The following ZNF701 variants were observed in gnomAD, a reference collection of about 807,000 sequenced individuals.
The protein encoded by ZNF701 is zinc finger protein 701.
Under a neutral mutation model 7.1 loss-of-function variants are expected in ZNF701, and 6 were observed. That is an observed-to-expected ratio of 0.84 (90% confidence interval 0.46 to 1.66). ZNF701 has a LOEUF of 1.66. ZNF701 is among the 40% of genes most tolerant of loss of function. The probability of loss-of-function intolerance (pLI) is 0.01; values close to 1 mark genes in which losing one functional copy is unlikely to be tolerated. For missense variants in ZNF701, 541 were observed against 559.2 expected (o/e 0.97, Z 0.33); for synonymous variants, 166 against 188.2 (o/e 0.88, Z 0.97).
At chr19:52,578,865 C>T (rs2059955784) in intron 3 of ZNF701, among the ~76,000 whole-genome samples, 1 of 152,056 alleles carries the variant, frequency 6.6e-6, no homozygotes, top group Admixed American at 6.6e-5. Context: ...TCACGCCATT[C>T]TCCTGCCTCA....
downstream of ZNF701, among the ~76,000 whole-genome samples, chr19:52,587,602 G>A (rs1230142892): frequency 6.6e-6 from 1 of 152,174 alleles, no homozygotes; most frequent in Admixed American, 6.5e-5. Context: ...CATGTTGCCT[G>A]TTCTGTGTGA....
Position 52,574,095 on chromosome 19 carries a change from T to G in ZNF701, c.-53T>G. On this transcript the variant is annotated 5_prime_UTR_variant, in exon 2 of 4. Coordinates refer to ENST00000391785, the MANE Select transcript of ZNF701 (RefSeq NM_018260.3). ...CATTCAGGATTGACTTCTAAAGACTTGGTACGTGAGGAAAAAACACGGAAG... is the reference window on the plus strand; with the variant it reads ...CATTCAGGATTGACTTCTAAAGACTGGGTACGTGAGGAAAAAACACGGAAG... The G allele has an allele frequency of 6.2e-7, 1 of 1,612,142 alleles. No homozygotes were observed. The highest frequency in any genetic ancestry group is 8.5e-7 in the Non-Finnish European group (1 of 1,179,334).
chr19:52,577,414 G>C (rs908480036), intron 3 of ZNF701, among the ~76,000 whole-genome samples: 1 of 152,134 alleles, frequency 6.6e-6, no homozygotes, highest in Non-Finnish European at 1.5e-5. Flanking sequence ...AAGGCACAAA[G>C]TGTTTCAGTA....
chr19:52,582,178 C>T, intron 3 of ZNF701, 24 bp from the exon 4 acceptor site: 3 of 1,533,128 alleles, frequency 2.0e-6, no homozygotes, highest in Non-Finnish European at 2.6e-6. Context: ...TAATTTGAAA[C>T]CTATTTGTGT....
intron 1 of ZNF701, among the ~76,000 whole-genome samples, chr19:52,571,235 A>AGG (rs763590832): frequency 1.7e-3 from 244 of 145,314 alleles, no homozygotes; most frequent in Middle Eastern, 3.5e-3. Context: ...CATCAGAGTG[A>AGG]GAGAGAGAGA....
chr19:52,574,754 T>C (rs963680949), intron 2 of ZNF701, among the ~76,000 whole-genome samples: 2 of 152,162 alleles, frequency 1.3e-5, no homozygotes, highest in African/African-American at 4.8e-5. Context: ...ACCTAAATAA[T>C]AGCAGGAGAT....
chr19:52,591,244 C>A (rs1285007086), downstream of ZNF701, among the ~76,000 whole-genome samples: 2 of 152,146 alleles, frequency 1.3e-5, no homozygotes, highest in Non-Finnish European at 2.9e-5. Flanking sequence ...GTGGTGCGAT[C>A]TCGGCTTACA....
At chr19:52,595,095 C>T in the ZNF701 span, among the ~76,000 whole-genome samples, 1 of 152,094 alleles carries the variant, frequency 6.6e-6, no homozygotes, top group East Asian at 1.9e-4. Context: ...GATTCTCCTG[C>T]CTTGGTTTCC....
chr19:52,584,088 TAGATATC>T lies in ZNF701; in HGVS notation c.*635_*641del, dbSNP rs754709610. The T allele has an allele frequency of 7.0e-6, 3 of 431,128 alleles. No homozygotes were observed. The highest frequency in any genetic ancestry group is 9.5e-6 in the Non-Finnish European group (2 of 210,966). 26.7% of individuals were successfully genotyped at this position (431,128 alleles called of 1,614,324 possible). On this transcript the variant is annotated 3_prime_UTR_variant, in exon 4 of 4. Coordinates refer to ENST00000391785, the MANE Select transcript of ZNF701 (RefSeq NM_018260.3). The stretch of plus-strand genomic sequence containing the variant: ...CCTTTACTTCACGTTCACACCACAT[TAGATATC>T]AGAGGATCCATACTGGACAGAAATC...
chr19:52,572,569 C>G (rs752452620), intron 1 of ZNF701: 1 of 379,840 alleles, frequency 2.6e-6, no homozygotes, highest in Non-Finnish European at 4.8e-6. Flanking sequence ...TTCCAGGCCA[C>G]CATGTAAGAA....
chr19:52,592,498 G>A, the ZNF701 span, among the ~76,000 whole-genome samples: 4 of 152,210 alleles, frequency 2.6e-5, no homozygotes, highest in African/African-American at 4.8e-5. Flanking sequence ...TGCCCCTGGA[G>A]GCCCTGAGCG....
downstream of ZNF701, among the ~76,000 whole-genome samples, chr19:52,587,653 A>G (rs2060020161): frequency 6.6e-6 from 1 of 152,220 alleles, no homozygotes; most frequent in African/African-American, 2.4e-5. Context: ...CCTGGTGAGA[A>G]CAAGTCCGTA....
In ZNF701 at chr19:52,582,436, A is replaced by G. The variant is rs755322909; in HGVS notation, c.377A>G (p.His126Arg). 3.7e-6 allele frequency: 6 copies of G among 1,614,110 alleles called. No homozygotes were observed. The Admixed American group carries it at 1.0e-4, about 27-fold the overall frequency. ...AAGTTGATGAGTAGTACAGAGCGAC[A>G]TGATCAAAGGCATGCTGGAAACAAA... is the stretch of plus-strand genomic sequence containing the variant. ...TKKLMSSTER[H>R]DQRHAGNKPI... is the part of the protein sequence containing the mutation. The change falls in exon 4 of 4, where the codon CAT becomes CGT. Residue 126 changes from histidine to arginine, a missense_variant. Transcript: ENST00000391785.
At chr19:52,571,866 C>T (rs558017113) in intron 1 of ZNF701, among the ~76,000 whole-genome samples, 39 of 152,092 alleles carry the variant, frequency 2.6e-4, no homozygotes, top group Non-Finnish European at 4.7e-4. Context: ...TCTTGTTGCC[C>T]GTGCTGGAGT....
At chr19:52,592,893 G>A in the ZNF701 span, among the ~76,000 whole-genome samples, 18 of 116,966 alleles carry the variant, frequency 1.5e-4, 5 homozygotes, top group Non-Finnish European at 3.0e-4. Context: ...AGTGAACAAA[G>A]GTCTCTGGTT....
chr19:52,598,767 A>C, the ZNF701 span: 1 of 152,276 alleles, frequency 6.6e-6, no homozygotes, highest in Non-Finnish European at 1.5e-5. Flanking sequence ...AAAAACAGCC[A>C]GGTGTGTTAG....
the ZNF701 span, chr19:52,597,406 A>G: frequency 1.9e-6 from 1 of 525,642 alleles, no homozygotes. Flanking sequence ...CAGAAAATTC[A>G]TTTTTGAGAT....
At chr19:52,587,362 C>T (rs2060018517), downstream of ZNF701, among the ~76,000 whole-genome samples, 1 of 152,138 alleles carries the variant, frequency 6.6e-6, no homozygotes, top group Non-Finnish European at 1.5e-5. Context: ...CCCTCTGCTC[C>T]AGCCATACAG....
At position 52,585,434 on chromosome 19, in the gene ZNF701, C is replaced by G. The variant is rs2060004296; in HGVS notation, c.*1977C>G. The G allele has an allele frequency of 2.0e-5, 3 of 152,360 alleles. No homozygotes were observed. In the South Asian group the frequency reaches 6.2e-4, roughly 31 times the overall value. The allele number at this position is 152,360 out of a possible 1,614,324, so 9.4% of individuals were successfully genotyped here. Reference sequence around the variant, plus strand: ...CCCTGCTTCTCCCCAGTTCCAACCCCAGGAAAACGTGCTTCTCCTGGAGGC... The same window carrying G: ...CCCTGCTTCTCCCCAGTTCCAACCCGAGGAAAACGTGCTTCTCCTGGAGGC... On this transcript the variant is annotated 3_prime_UTR_variant, in exon 4 of 4. Coordinates refer to ENST00000391785, the MANE Select transcript of ZNF701 (RefSeq NM_018260.3).
Sources: allele counts gnomAD v4.1 joint callset (sites outside exome capture counted in the v4.1 genomes callset), GRCh38; gene constraint gnomAD v4.1.1; transcripts MANE v1.5; gene names NCBI Gene and HGNC (gene_info 2026-07-23, HGNC 2026-07-21).